GRIK3: variants seen among roughly 807,000 people sequenced by gnomAD.
The protein encoded by GRIK3 is glutamate receptor ionotropic, kainate 3.
A neutral mutation model predicts 102.5 loss-of-function variants in GRIK3; 29 were observed. The ratio of observed to expected loss-of-function variants is 0.28; its 90% CI spans 0.21 to 0.39. The LOEUF (loss-of-function observed/expected upper bound fraction) is 0.39, where lower values mean the gene tolerates loss of function less well. Ranked by LOEUF, GRIK3 falls within the 10% of genes least tolerant of loss-of-function variation. GRIK3 has a pLI of 1.00. For synonymous variants in GRIK3, 511 were observed against 504.9 expected, an observed-to-expected ratio of 1.01 and a Z score of -0.16; for missense variants, 908 against 1,252.4, an observed-to-expected ratio of 0.73 and a Z score of 4.15.
rs115096270 is a variant in GRIK3, at chr1:36,828,124, C to T, written c.1531-2298G>A. On this transcript the variant is annotated intron_variant, in intron 10 of 15. Coordinates refer to ENST00000373091, the MANE Select transcript of GRIK3 (RefSeq NM_000831.4). ...GGGTGTAGAGTGGTGAGCAAGAGAC[C>T]GAGTCCCTGGTATCATGGAGCTTCC... Among the ~76,000 whole-genome samples, 491 of 150,952 alleles carry T rather than the reference C, an allele frequency of 3.3e-3. 3 individuals carry two copies. Among genetic ancestry groups the T allele is most frequent in the African/African-American group, 0.011 (460 of 41,004 alleles).
At chr1:37,023,043 T>C (rs1642731535) in intron 1 of GRIK3, among the ~76,000 whole-genome samples, 2 of 151,684 alleles carry the variant, frequency 1.3e-5, no homozygotes, top group Admixed American at 6.6e-5. Context: ...AGAAATAGAG[T>C]GCCGGCCGGG....
At position 36,880,824 on chromosome 1, in the gene GRIK3, G is replaced by A. The variant is rs752745431; in HGVS notation, c.360C>T (p.Ala120=). The change falls in exon 3 of 16, where the codon GCC becomes GCT. Residue 120 remains alanine, a synonymous_variant. Transcript: ENST00000373091. The surrounding 1 kb of genome is among the most constrained non-coding windows in gnomAD (Gnocchi z 5.4). ...CCAGGGCATTGCAGATGGACTGGAC[G>A]GCATTGGTGCAGGAGCCCTGTGATG... The part of the protein sequence containing the change: ...FGPSQGSCTN[A]VQSICNALEV... 25 of 1,613,974 alleles carry A rather than the reference G, an allele frequency of 1.5e-5. No homozygotes were observed. The highest frequency in any genetic ancestry group is 2.0e-5 in the Non-Finnish European group (24 of 1,179,976).
At chr1:36,908,329 G>C (rs955179346) in intron 1 of GRIK3, among the ~76,000 whole-genome samples, 1 of 152,176 alleles carries the variant, frequency 6.6e-6, no homozygotes. Context: ...ATGGGGAAGG[G>C]GACGCTGGAC....
chr1:36,815,081 T>A (rs939557403), intron 13 of GRIK3, among the ~76,000 whole-genome samples: 3 of 152,184 alleles, frequency 2.0e-5, no homozygotes, highest in Admixed American at 1.3e-4. Context: ...TGTATACACA[T>A]CCTCACCTAC....
intron 2 of GRIK3, among the ~76,000 whole-genome samples, chr1:36,887,962 G>A (rs1296964204): frequency 1.3e-5 from 2 of 152,016 alleles, no homozygotes; most frequent in Non-Finnish European, 2.9e-5. Context: ...GCTGTGGGGA[G>A]TTCAGACTGT....
At chr1:36,987,919 G>A (rs186872046) in intron 1 of GRIK3, among the ~76,000 whole-genome samples, 25 of 152,318 alleles carry the variant, frequency 1.6e-4, no homozygotes, top group African/African-American at 6.0e-4. Flanking sequence ...CAGATGGCAA[G>A]TGCCTGCTTT....
intron 1 of GRIK3, among the ~76,000 whole-genome samples, chr1:36,914,103 G>A (rs1051266009): frequency 2.0e-5 from 3 of 152,196 alleles, no homozygotes; most frequent in Non-Finnish European, 4.4e-5. Context: ...GCAGGTGTGG[G>A]AGCCTCAGCT....
intron 1 of GRIK3, among the ~76,000 whole-genome samples, chr1:36,970,666 C>G (rs1178496864): frequency 6.6e-6 from 1 of 152,166 alleles, no homozygotes; most frequent in Non-Finnish European, 1.5e-5. Context: ...AACTGGCTCC[C>G]AACACTTCTC....
intron 1 of GRIK3, among the ~76,000 whole-genome samples, chr1:36,899,390 A>G (rs550297670): frequency 4.6e-5 from 7 of 152,314 alleles, no homozygotes; most frequent in South Asian, 4.1e-4. Flanking sequence ...AACATTGAGG[A>G]CAGTAGGCTA....
intron 10 of GRIK3, among the ~76,000 whole-genome samples, chr1:36,832,781 A>G (rs1483329257): frequency 2.0e-5 from 3 of 152,182 alleles, no homozygotes; most frequent in Non-Finnish European, 4.4e-5. Flanking sequence ...GGTTGGAGGC[A>G]CCATGGACTC....
rs529576449 is a variant in GRIK3 at position 37,032,492 on chromosome 1, G to C, written c.115+1502C>G. 7.3e-4 allele frequency among the ~76,000 whole-genome samples: 105 copies of C among 143,750 alleles called. 1 individual carries two copies. The highest frequency in any genetic ancestry group is 1.2e-3 in the Non-Finnish European group (82 of 67,026). 94.3% of individuals were successfully genotyped at this position (143,750 alleles called of 152,430 possible). On this transcript the variant is annotated intron_variant, in intron 1 of 15. Coordinates refer to ENST00000373091, the MANE Select transcript of GRIK3 (RefSeq NM_000831.4). ...GGAAGTGCTGGTCCATTACTGGGGG[G>C]GGAAGGGGAGGCTTCCTGCCCCTGG...
chr1:36,936,089 G>T (rs569077136), intron 1 of GRIK3, among the ~76,000 whole-genome samples: 1 of 152,136 alleles, frequency 6.6e-6, no homozygotes, highest in African/African-American at 2.4e-5. Context: ...GATAAATAAC[G>T]CAAAGAGGAA....
Position 36,808,042 on chromosome 1 carries a change from C to T in GRIK3, c.2092-1716G>A, listed in dbSNP as rs549800653. Reference sequence around the variant, plus strand: ...CTGCCTCCAAACCTTTTGTGCTCTCCGCTCTCCCACTTCCTCAGCTATTCT... The same window carrying T: ...CTGCCTCCAAACCTTTTGTGCTCTCTGCTCTCCCACTTCCTCAGCTATTCT... On this transcript the variant is annotated intron_variant, in intron 13 of 15. Coordinates refer to ENST00000373091, the MANE Select transcript of GRIK3 (RefSeq NM_000831.4). Among the ~76,000 whole-genome samples the T allele has an allele frequency of 1.2e-3, 183 of 152,322 alleles. 1 individual carries two copies. The highest frequency in any genetic ancestry group is 4.3e-3 in the African/African-American group (177 of 41,576).
At chr1:36,925,386 A>C (rs1283063449) in intron 1 of GRIK3, among the ~76,000 whole-genome samples, 1 of 152,260 alleles carries the variant, frequency 6.6e-6, no homozygotes, top group Non-Finnish European at 1.5e-5. Flanking sequence ...ACAATGCCCC[A>C]GTGAGCCAGT....
At chr1:36,961,230 C>T (rs1255453684) in intron 1 of GRIK3, among the ~76,000 whole-genome samples, 1 of 152,216 alleles carries the variant, frequency 6.6e-6, no homozygotes, top group East Asian at 1.9e-4. Flanking sequence ...CCCTCAAGCA[C>T]CCACCATCCC....
chr1:36,954,705 CCACACACACGCAGAGAAGCACATGTGTA>C (rs1170245771), intron 1 of GRIK3, among the ~76,000 whole-genome samples: 1 of 152,126 alleles, frequency 6.6e-6, no homozygotes, highest in African/African-American at 2.4e-5. Context: ...ATACACAGGT[CCACACACACGCAGAGAAGCACATGTGTA>C]CACACCTGTG....
rs2124253824 is a variant in GRIK3 at position 36,872,189 on chromosome 1, T to C, written c.731A>G (p.Gln244Arg). Reference protein sequence around the residue: ...SHTMAAQILKQAMAMGMMTEY... With the variant: ...SHTMAAQILKRAMAMGMMTEY... Reference sequence around the variant, plus strand: ...TCCCGGTGGCCAGCACTCACGCACCTGCTTGAGGATCTGGGCCGCCATAGT... The same window carrying C: ...TCCCGGTGGCCAGCACTCACGCACCCGCTTGAGGATCTGGGCCGCCATAGT... The change falls in exon 4 of 16, where the codon CAG becomes CGG. Residue 244 changes from glutamine (Q) to arginine (R), a missense_variant and splice_region_variant. Around this residue, in one of 3 missense-constraint regions of GRIK3, gnomAD observed 585 missense variants for 824.9 expected, o/e 0.71. Transcript: ENST00000373091. The surrounding 1 kb of genome is among the most constrained non-coding windows in gnomAD (Gnocchi z 5.9). The C allele has an allele frequency of 6.3e-7, 1 of 1,588,168 alleles. No individual in the cohort carries two copies. The highest frequency in any genetic ancestry group is 1.3e-5 in the African/African-American group (1 of 74,478).
intron 1 of GRIK3, among the ~76,000 whole-genome samples, chr1:36,941,996 G>T (rs1375955142): frequency 6.6e-6 from 1 of 152,178 alleles, no homozygotes; most frequent in African/African-American, 2.4e-5. Flanking sequence ...TATCGTTAGA[G>T]AAATTCATCT....
At chr1:36,808,687 AC>A (rs1327111277) in intron 13 of GRIK3, among the ~76,000 whole-genome samples, 1 of 152,196 alleles carries the variant, frequency 6.6e-6, no homozygotes, top group Non-Finnish European at 1.5e-5. Flanking sequence ...CCCATGAGGG[AC>A]CCTGAGCCAG....
Sources: gnomAD v4.1 joint callset for allele counts (sites outside exome capture counted in the v4.1 genomes callset) on GRCh38, gnomAD v4.1.1 for gene constraint, gnomAD v4.1.1 regional missense constraint, Gnocchi (gnomAD v3.1) non-coding constraint, MANE v1.5 for transcripts, NCBI Gene and HGNC (gene_info 2026-07-23, HGNC 2026-07-21) for gene names.